The following ITGA6 variants were observed in gnomAD, a reference collection of about 807,000 sequenced individuals.
ITGA6 encodes integrin subunit alpha 6, also known as integrin alpha-6.
In ITGA6, 63 loss-of-function variants were observed where a neutral mutation model predicts 133.6. The observed-to-expected ratio is 0.47, with a 90% confidence interval of 0.38 to 0.58. The LOEUF is 0.58. Ranked by LOEUF, ITGA6 falls within the 20% of genes least tolerant of loss-of-function variation. The pLI is 0.00. For missense variants in ITGA6, 1,068 were observed against 1,309.4 expected, an observed-to-expected ratio of 0.82 and a Z score of 2.85; for synonymous variants, 434 against 482.0, an observed-to-expected ratio of 0.90 and a Z score of 1.30.
chr2:172,427,842 C>G lies in ITGA6; in HGVS notation c.54C>G (p.Ser18=). Residue 18 remains serine (S), a synonymous_variant, in exon 1 of 26, where the codon TCC becomes TCG. Coordinates refer to ENST00000684293, the MANE Select transcript of ITGA6 (RefSeq NM_000210.4). ...TCTACCTGTCGGCGGGGCTCCTGTC[C>G]CGGCTCGGCGCAGCCTTCAACTTGG... ...CLLYLSAGLL[S]RLGAAFNLDT... is the part of the protein sequence containing the mutation. 6.2e-7 allele frequency: 1 copy of G among 1,605,636 alleles called. No homozygotes were observed. The highest frequency in any genetic ancestry group is 8.5e-7 in the Non-Finnish European group (1 of 1,176,788).
At position 172,504,125 on chromosome 2, in the gene ITGA6, G is replaced by A. The variant is rs1031507552; in HGVS notation, c.*57G>A. ...TTTAAACGCTCTAGGTACGATGACA[G>A]TGTTCCCCGATACCATGCTGTAAGG... On this transcript the variant is annotated 3_prime_UTR_variant, in exon 26 of 26. Transcript: ENST00000684293. The A allele has an allele frequency of 3.1e-6, 5 of 1,600,152 alleles. No individual in the cohort carries two copies. Among genetic ancestry groups the A allele is most frequent in the Non-Finnish European group, 4.3e-6 (5 of 1,172,970 alleles).
intron 1 of ITGA6, among the ~76,000 whole-genome samples, chr2:172,435,135 A>G (rs1003405838): frequency 6.6e-6 from 1 of 152,062 alleles, no homozygotes; most frequent in Non-Finnish European, 1.5e-5. Context: ...TGAGCCAAAT[A>G]ACTCCTTTGT....
intron 5 of ITGA6, among the ~76,000 whole-genome samples, chr2:172,471,331 C>T (rs1356194798): frequency 6.6e-6 from 1 of 152,142 alleles, no homozygotes; most frequent in African/African-American, 2.4e-5. Context: ...GGGAAGAAAC[C>T]TCTTATCACC....
At chr2:172,481,666 G>T (rs1686446696) in intron 11 of ITGA6, among the ~76,000 whole-genome samples, 1 of 152,112 alleles carries the variant, frequency 6.6e-6, no homozygotes, top group African/African-American at 2.4e-5. Flanking sequence ...CTGCTGTGTG[G>T]TCTCTCCATG....
chr2:172,437,277 G>C (rs1246663259), intron 1 of ITGA6, among the ~76,000 whole-genome samples: 1 of 152,234 alleles, frequency 6.6e-6, no homozygotes, highest in Non-Finnish European at 1.5e-5. Context: ...TGAGGACAAA[G>C]ATAGAAGTAA....
In ITGA6 at chr2:172,485,173, T is replaced by C; in HGVS notation, c.1763T>C (p.Ile588Thr). The C allele has an allele frequency of 1.2e-6, 2 of 1,613,724 alleles. No individual in the cohort carries two copies. The highest frequency in any genetic ancestry group is 1.1e-5 in the South Asian group (1 of 91,080). Residue 588 changes from isoleucine (I) to threonine (T), a missense_variant, in exon 13 of 26, where the codon ATC (isoleucine) becomes ACC (threonine). Physicochemically the swap from Ile to Thr is moderately conservative, Grantham distance 89. Around this residue, in one of 3 missense-constraint regions of ITGA6, gnomAD observed 609 missense variants for 707.2 expected, o/e 0.86. Transcript: ENST00000684293. ...RPIPITASVEIQEPSSRRRVN... is the reference protein window; with the variant it reads ...RPIPITASVETQEPSSRRRVN... ...ATTCCCATAACTGCCTCAGTGGAGA[T>C]CCAAGAGCCAAGCTCTCGTAGGCGA...
In ITGA6 at chr2:172,443,931, C is replaced by T. The variant is rs1450520767; in HGVS notation, c.182+15961C>T. 2.6e-5 allele frequency among the ~76,000 whole-genome samples: 4 copies of T among 152,212 alleles called. No individual in the cohort carries two copies. The East Asian group carries it at 5.8e-4, about 22-fold the overall frequency. ...CTGGGACTACTGGCATGCACTACCA[C>T]GCCTGGCTAATCTTTGTATTTTTTG... is the stretch of plus-strand genomic sequence containing the variant. On this transcript the variant is annotated intron_variant, in intron 1 of 25. Coordinates refer to ENST00000684293, the MANE Select transcript of ITGA6 (RefSeq NM_000210.4).
chr2:172,483,695 C>T (rs921337086), intron 11 of ITGA6, among the ~76,000 whole-genome samples: 2 of 152,170 alleles, frequency 1.3e-5, no homozygotes, highest in African/African-American at 4.8e-5. Context: ...CAAGAACAGG[C>T]TGTGCCTTCT....
At chr2:172,451,490 T>A (rs1574338364) in intron 1 of ITGA6, among the ~76,000 whole-genome samples, 2 of 151,112 alleles carry the variant, frequency 1.3e-5, no homozygotes, top group Admixed American at 6.6e-5. Context: ...GGAATGCTTA[T>A]GGCAAGCCTG....
intron 20 of ITGA6, 194 bp downstream of exon 20, chr2:172,489,852 A>G: frequency 1.7e-6 from 1 of 574,234 alleles, no homozygotes; most frequent in South Asian, 2.0e-5. Flanking sequence ...AATGACCATT[A>G]TAGTACATAA....
chr2:172,471,464 A>G (rs916800706), intron 5 of ITGA6, among the ~76,000 whole-genome samples: 1 of 152,170 alleles, frequency 6.6e-6, no homozygotes, highest in Non-Finnish European at 1.5e-5. Context: ...CAGTAAGCTG[A>G]GATCTTTGTT....
At chr2:172,478,473 T>C (rs1206757132) in intron 9 of ITGA6, among the ~76,000 whole-genome samples, 1 of 152,144 alleles carries the variant, frequency 6.6e-6, no homozygotes, top group Non-Finnish European at 1.5e-5. Context: ...TGGGGAGCAA[T>C]GGAGGTGGGC....
intron 20 of ITGA6, 102 bp from the exon 21 acceptor site, chr2:172,490,922 A>G (rs1686894869): frequency 4.0e-6 from 3 of 757,326 alleles, no homozygotes; most frequent in Non-Finnish European, 7.2e-6. Context: ...ATTGTTGATT[A>G]TGTGAATCTG....
At chr2:172,493,245 C>T (rs1457564547) in intron 23 of ITGA6, among the ~76,000 whole-genome samples, 1 of 152,032 alleles carries the variant, frequency 6.6e-6, no homozygotes, top group Non-Finnish European at 1.5e-5. Context: ...CTGTACTGGG[C>T]AAGCTGCTGC....
chr2:172,464,571 A>C (rs1449437298), intron 1 of ITGA6: 1 of 152,300 alleles, frequency 6.6e-6, no homozygotes, highest in African/African-American at 2.4e-5. Flanking sequence ...CAAAGATTGT[A>C]AACCTGATGG....
intron 1 of ITGA6, among the ~76,000 whole-genome samples, chr2:172,430,192 A>G (rs1684051039): frequency 6.6e-6 from 1 of 152,234 alleles, no homozygotes; most frequent in South Asian, 2.1e-4. Context: ...ATGAGGATTA[A>G]GAGATAATAT....
intron 1 of ITGA6, among the ~76,000 whole-genome samples, chr2:172,440,809 T>C (rs1425542220): frequency 1.3e-5 from 2 of 152,204 alleles, no homozygotes; most frequent in Non-Finnish European, 2.9e-5. Context: ...CTGGCTATAT[T>C]AGCTTATTTG....
At chr2:172,439,935 A>T in intron 1 of ITGA6, among the ~76,000 whole-genome samples, 1 of 152,166 alleles carries the variant, frequency 6.6e-6, no homozygotes, top group Non-Finnish European at 1.5e-5. Flanking sequence ...GGGTTTTTAA[A>T]TGTCCCCTAC....
In ITGA6 at chr2:172,484,912, A is replaced by T. The variant is rs1331943468; in HGVS notation, c.1680A>T (p.Lys560Asn). The change falls in exon 12 of 26, where the codon AAA (lysine) becomes AAT (asparagine). Residue 560 changes from lysine to asparagine, a missense_variant. By Grantham distance (94) the Lys-to-Asn change is moderately conservative. This residue lies in a region of ITGA6 where 609 missense variants were observed against 707.2 expected (regional missense o/e 0.86). Coordinates refer to ENST00000684293, the MANE Select transcript of ITGA6 (RefSeq NM_000210.4). ...TAACTCTGAAGAGGCAGAAACAGAA[A>T]GTGTGCATGGAGGAAACCCTGTGGC... is the stretch of plus-strand genomic sequence containing the variant. ...QELTLKRQKQ[K>N]VCMEETLWLQ... 4.3e-6 allele frequency: 7 copies of T among 1,614,108 alleles called. No homozygotes were observed. The highest frequency in any genetic ancestry group is 1.3e-5 in the African/African-American group (1 of 74,948).
Sources: gnomAD v4.1 joint callset for allele counts (sites outside exome capture counted in the v4.1 genomes callset) on GRCh38, gnomAD v4.1.1 for gene constraint, gnomAD v4.1.1 regional missense constraint, MANE v1.5 for transcripts, NCBI Gene and HGNC (gene_info 2026-07-23, HGNC 2026-07-21) for gene names.